The following CELF2 variants were observed in gnomAD, a reference collection of about 807,000 sequenced individuals.
The protein encoded by CELF2 is CUG triplet repeat RNA-binding protein 2.
A neutral mutation model predicts 62.6 loss-of-function variants in CELF2; 8 were observed. That is an observed-to-expected ratio of 0.13 (90% CI 0.07 to 0.23). The LOEUF is 0.23. Among genes scored for constraint, CELF2 ranks in the 10% least tolerant of loss-of-function variants. The pLI, the probability that CELF2 is intolerant of heterozygous loss-of-function variation, is 1.00. For synonymous variants in CELF2, 258 were observed against 250.0 expected (o/e 1.03, Z -0.30); for missense variants, 333 against 671.0 (o/e 0.50, Z 5.56).
At chr10:10,695,858 C>G in the CELF2 span, among the ~76,000 whole-genome samples, 4 of 151,856 alleles carry the variant, frequency 2.6e-5, no homozygotes, top group African/African-American at 9.7e-5. Context: ...TCAGCTCCAT[C>G]AGCTCCTTTA....
At chr10:11,279,780 C>T (rs533218112) in intron 8 of CELF2, among the ~76,000 whole-genome samples, 13 of 152,228 alleles carry the variant, frequency 8.5e-5, no homozygotes, top group African/African-American at 1.2e-4. Context: ...AGGCATATTG[C>T]GCATCTGTTT....
the CELF2 span, among the ~76,000 whole-genome samples, chr10:10,778,134 T>C: frequency 6.6e-6 from 1 of 152,192 alleles, no homozygotes; most frequent in Non-Finnish European, 1.5e-5. Context: ...GTTGAATTTA[T>C]AAGTCCAGAA....
At chr10:10,954,087 G>A (rs968608826) in intron 2 of CELF2, among the ~76,000 whole-genome samples, 6 of 151,736 alleles carry the variant, frequency 4.0e-5, no homozygotes, top group Non-Finnish European at 7.4e-5. Flanking sequence ...GATCAGATTG[G>A]CAAAAGTCAG....
intron 3 of CELF2, among the ~76,000 whole-genome samples, chr10:11,225,072 G>A (rs1479595181): frequency 6.6e-6 from 1 of 152,160 alleles, no homozygotes; most frequent in East Asian, 1.9e-4. Flanking sequence ...AGGTGCCTGG[G>A]AAGTCTCATT....
At chr10:10,645,206 C>T in the CELF2 span, among the ~76,000 whole-genome samples, 1 of 152,166 alleles carries the variant, frequency 6.6e-6, no homozygotes. Flanking sequence ...GGAATCCCCC[C>T]TTGTTGAATA....
rs1293408547 is a variant in CELF2 at position 11,223,869 on chromosome 10, A to G, written c.354+6362A>G. Among the ~76,000 whole-genome samples, 4 of 152,194 alleles carry G rather than the reference A, an allele frequency of 2.6e-5. No homozygotes were observed. The highest frequency in any genetic ancestry group is 4.4e-5 in the Non-Finnish European group (3 of 68,040). On this transcript the variant is annotated intron_variant, in intron 3 of 12. Transcript: ENST00000633077. This position sits in a 1 kb window ranked among gnomAD's most constrained non-coding sequence, Gnocchi z 5.1. ...CCAGGCCCCAGGGCAATGGGAAAGT[A>G]TATTTTAATGCTTAATAAAAGGCCA...
At chr10:11,168,996 G>A (rs1199818930) in intron 2 of CELF2, 2 of 152,176 alleles carry the variant, frequency 1.3e-5, no homozygotes, top group African/African-American at 4.8e-5. Flanking sequence ...AGAGAGTTAA[G>A]AACATGGCTT....
intron 1 of CELF2, among the ~76,000 whole-genome samples, chr10:11,147,157 A>T (rs1038326171): frequency 9.9e-5 from 15 of 152,198 alleles, no homozygotes; most frequent in Non-Finnish European, 1.9e-4. Context: ...GCCAGGATAC[A>T]CAGTGAAGGT....
chr10:11,299,243 C>T (rs931139043), intron 9 of CELF2, among the ~76,000 whole-genome samples: 5 of 152,210 alleles, frequency 3.3e-5, no homozygotes, highest in African/African-American at 1.2e-4. Flanking sequence ...GTATCTCGGG[C>T]CACACGGCGG....
At chr10:11,102,947 A>G (rs1264125065) in intron 1 of CELF2, among the ~76,000 whole-genome samples, 1 of 151,306 alleles carries the variant, frequency 6.6e-6, no homozygotes, top group Non-Finnish European at 1.5e-5. Flanking sequence ...AGTTGGAACA[A>G]CCTCTTCAGC....
the CELF2 span, among the ~76,000 whole-genome samples, chr10:10,772,266 A>ATCT: frequency 6.6e-6 from 1 of 152,198 alleles, no homozygotes; most frequent in South Asian, 2.1e-4. Flanking sequence ...TTGCAGTCTA[A>ATCT]TCTTGGTCTT....
At chr10:11,133,959 T>C (rs1170723194) in intron 1 of CELF2, among the ~76,000 whole-genome samples, 3 of 152,354 alleles carry the variant, frequency 2.0e-5, no homozygotes, top group African/African-American at 7.2e-5. Context: ...TGGTTGTATT[T>C]TTTTACAGTT....
At chr10:11,102,527 C>G (rs1224632883) in intron 1 of CELF2, among the ~76,000 whole-genome samples, 3 of 152,202 alleles carry the variant, frequency 2.0e-5, no homozygotes, top group Non-Finnish European at 4.4e-5. Context: ...AGACCATTGT[C>G]TGTAGCTTTC....
the CELF2 span, among the ~76,000 whole-genome samples, chr10:10,524,791 A>G: frequency 6.6e-6 from 1 of 152,174 alleles, no homozygotes; most frequent in East Asian, 1.9e-4. Flanking sequence ...TTTGGATGAA[A>G]TGAGTTTTTG....
At chr10:10,706,009 G>T in the CELF2 span, among the ~76,000 whole-genome samples, 11 of 152,124 alleles carry the variant, frequency 7.2e-5, no homozygotes, top group African/African-American at 2.7e-4. Context: ...CATCCCAGCC[G>T]GACTGAGCTA....
chr10:10,542,368 G>A, the CELF2 span, among the ~76,000 whole-genome samples: 1 of 151,750 alleles, frequency 6.6e-6, no homozygotes, highest in Non-Finnish European at 1.5e-5. Context: ...GATGAGGAAA[G>A]AAAAAAAACA....
chr10:10,859,469 A>G (rs1478254318), intron 1 of CELF2, among the ~76,000 whole-genome samples: 1 of 152,140 alleles, frequency 6.6e-6, no homozygotes, highest in African/African-American at 2.4e-5. Flanking sequence ...GGAAATAGCC[A>G]CCACAGTATG....
the CELF2 span, among the ~76,000 whole-genome samples, chr10:10,529,905 A>G: frequency 3.9e-5 from 6 of 152,142 alleles, no homozygotes; most frequent in African/African-American, 9.7e-5. Flanking sequence ...GTGGCTTAGC[A>G]AGAATTTAAG....
At chr10:10,771,601 G>C in the CELF2 span, among the ~76,000 whole-genome samples, 4 of 152,284 alleles carry the variant, frequency 2.6e-5, no homozygotes, top group South Asian at 6.2e-4. Flanking sequence ...TACTGTTCTC[G>C]TGTAGTGAAT....
Sources: allele counts gnomAD v4.1 joint callset (sites outside exome capture counted in the v4.1 genomes callset), GRCh38; gene constraint gnomAD v4.1.1; non-coding constraint Gnocchi (gnomAD v3.1); transcripts MANE v1.5; gene names NCBI Gene and HGNC (gene_info 2026-07-23, HGNC 2026-07-21).